The following RASGRF2 variants were observed in gnomAD, a reference collection of about 807,000 sequenced individuals.
RASGRF2 encodes ras-specific guanine nucleotide-releasing factor 2.
RASGRF2 carries 76 observed loss-of-function variants against 151.0 expected under a neutral mutation model. That is an observed-to-expected ratio of 0.50 (90% CI 0.42 to 0.61). RASGRF2 has a LOEUF of 0.61. Among genes scored for constraint, RASGRF2 ranks in the 20% least tolerant of loss-of-function variants. The pLI is 0.00. For missense variants in RASGRF2, 1,148 were observed against 1,564.6 expected, an observed-to-expected ratio of 0.73 and a Z score of 4.49; for synonymous variants, 504 against 566.5, an observed-to-expected ratio of 0.89 and a Z score of 1.57.
chr5:80,974,782 T>G (rs1209392493), intron 1 of RASGRF2, among the ~76,000 whole-genome samples: 1 of 152,218 alleles, frequency 6.6e-6, no homozygotes, highest in Non-Finnish European at 1.5e-5. Flanking sequence ...GGCAGCAAAC[T>G]AATAGTTGCC....
Position 81,035,086 on chromosome 5 carries a change from A to C in RASGRF2, c.289-7791A>C, listed in dbSNP as rs548810970. ...TCAAGGATCTAGAACTAGAAATACC[A>C]TTTGACCCAGCCATCCCATTACTGT... is the stretch of plus-strand genomic sequence containing the variant. On this transcript the variant is annotated intron_variant, in intron 1 of 26. Transcript: ENST00000265080. 2.2e-3 allele frequency among the ~76,000 whole-genome samples: 330 copies of C among 152,256 alleles called. 1 individual carries two copies. The highest frequency in any genetic ancestry group is 6.8e-3 in the Middle Eastern group (2 of 294).
intron 1 of RASGRF2, among the ~76,000 whole-genome samples, chr5:81,024,928 C>T (rs933010484): frequency 1.7e-4 from 26 of 152,204 alleles, no homozygotes; most frequent in Admixed American, 3.9e-4. Context: ...AGGCCGATGC[C>T]GGCTGCTGGG....
intron 1 of RASGRF2, among the ~76,000 whole-genome samples, chr5:81,015,665 A>T (rs192375908): frequency 7.0e-6 from 1 of 143,826 alleles, no homozygotes; most frequent in Non-Finnish European, 1.6e-5. Flanking sequence ...TACATTAATT[A>T]GTCCTTTTAT....
intron 1 of RASGRF2, among the ~76,000 whole-genome samples, chr5:80,981,735 T>A (rs1748308781): frequency 6.6e-6 from 1 of 152,052 alleles, no homozygotes; most frequent in South Asian, 2.1e-4. Flanking sequence ...GTGGCTAATT[T>A]TTGTACTTTT....
rs936388527 is a variant in RASGRF2 at position 81,003,383 on chromosome 5, C to T, written c.289-39494C>T. ...GACTACAGGTGCCCACCACCACGCCCACCTAATTTTTTTGTATTTTTAGTA... is the reference window on the plus strand; with the variant it reads ...GACTACAGGTGCCCACCACCACGCCTACCTAATTTTTTTGTATTTTTAGTA... On this transcript the variant is annotated intron_variant, in intron 1 of 26. Transcript: ENST00000265080. Among the ~76,000 whole-genome samples, 5 of 152,276 alleles carry T rather than the reference C, an allele frequency of 3.3e-5. No homozygotes were observed. The East Asian group carries it at 9.7e-4, about 29-fold the overall frequency.
chr5:80,963,721 C>T (rs1747635291), intron 1 of RASGRF2, among the ~76,000 whole-genome samples: 1 of 152,170 alleles, frequency 6.6e-6, no homozygotes, highest in South Asian at 2.1e-4. Context: ...ATGTGCAAAC[C>T]TATAGTAACA....
intron 5 of RASGRF2, among the ~76,000 whole-genome samples, chr5:81,077,595 C>G (rs968063017): frequency 2.0e-5 from 3 of 152,204 alleles, no homozygotes; most frequent in Admixed American, 2.0e-4. Context: ...CTGGCAATGG[C>G]TCCTCTCAAG....
At chr5:81,112,983 T>A in intron 14 of RASGRF2, 125 bp downstream of exon 14, 1 of 1,256,220 alleles carries the variant, frequency 8.0e-7, no homozygotes, top group Non-Finnish European at 1.1e-6. Flanking sequence ...TGCCTCTGAA[T>A]GTACCATGCC....
At chr5:81,073,136 C>G in intron 4 of RASGRF2, 63 bp from the exon 5 acceptor site, 2 of 1,513,014 alleles carry the variant, frequency 1.3e-6, no homozygotes, top group South Asian at 2.5e-5. Flanking sequence ...ATTTCATGTT[C>G]TTTTCCATAA....
intron 17 of RASGRF2, among the ~76,000 whole-genome samples, chr5:81,157,235 T>TC (rs972585405): frequency 2.6e-5 from 4 of 151,122 alleles, no homozygotes; most frequent in African/African-American, 9.8e-5. Context: ...GCGCCTGTAG[T>TC]CCCAGCTACT....
intron 18 of RASGRF2, among the ~76,000 whole-genome samples, chr5:81,196,452 C>T (rs958063602): frequency 6.6e-6 from 1 of 152,206 alleles, no homozygotes; most frequent in Non-Finnish European, 1.5e-5. Context: ...CAACTGCGAC[C>T]ATTTGTCATG....
rs114697550 is a variant in RASGRF2 at position 81,206,678 on chromosome 5, C to T, written c.2907-167C>T. On this transcript the variant is annotated intron_variant, in intron 19 of 26. Coordinates refer to ENST00000265080, the MANE Select transcript of RASGRF2 (RefSeq NM_006909.3). ...TTCTCTCATGCCTTGAGCATGTTTT[C>T]TGTTTGGGGATTGCTCATCTCCAGC... Among the ~76,000 whole-genome samples, 662 of 152,304 alleles carry T rather than the reference C, an allele frequency of 4.3e-3. 9 individuals are homozygous for T. The highest frequency in any genetic ancestry group is 0.015 in the African/African-American group (621 of 41,548).
chr5:81,110,206 T>G (rs575418108), intron 13 of RASGRF2, among the ~76,000 whole-genome samples: 1 of 152,356 alleles, frequency 6.6e-6, no homozygotes, highest in Non-Finnish European at 1.5e-5. Flanking sequence ...GGCGTCACTT[T>G]GTAAGCACTC....
intron 5 of RASGRF2, among the ~76,000 whole-genome samples, chr5:81,078,618 C>T (rs1198485209): frequency 6.6e-6 from 1 of 152,120 alleles, no homozygotes; most frequent in Non-Finnish European, 1.5e-5. Context: ...CTTTACATGC[C>T]TTTGAAATTA....
At chr5:80,962,653 C>G (rs999091497) in intron 1 of RASGRF2, among the ~76,000 whole-genome samples, 2 of 151,090 alleles carry the variant, frequency 1.3e-5, no homozygotes, top group African/African-American at 4.9e-5. Flanking sequence ...TTACCTGTTA[C>G]AATTCATATG....
intron 2 of RASGRF2, among the ~76,000 whole-genome samples, chr5:81,045,436 T>C (rs1750806085): frequency 6.6e-6 from 1 of 152,186 alleles, no homozygotes; most frequent in Non-Finnish European, 1.5e-5. Flanking sequence ...CATTTTATCA[T>C]CTACAGGAAA....
At chr5:80,984,129 T>A (rs976293750) in intron 1 of RASGRF2, among the ~76,000 whole-genome samples, 1 of 152,186 alleles carries the variant, frequency 6.6e-6, no homozygotes, top group South Asian at 2.1e-4. Context: ...GGCGTGACCT[T>A]GGCTCACTGC....
chr5:80,991,865 A>C (rs1748662256), intron 1 of RASGRF2, among the ~76,000 whole-genome samples: 1 of 152,188 alleles, frequency 6.6e-6, no homozygotes, highest in African/African-American at 2.4e-5. Flanking sequence ...CTAACAACAC[A>C]TGTGAATTCT....
intron 13 of RASGRF2, among the ~76,000 whole-genome samples, chr5:81,110,411 A>G (rs920932277): frequency 6.6e-6 from 1 of 152,240 alleles, no homozygotes; most frequent in Non-Finnish European, 1.5e-5. Flanking sequence ...AAATAATTTC[A>G]TAATATTTAA....
Sources: allele counts gnomAD v4.1 joint callset (sites outside exome capture counted in the v4.1 genomes callset), GRCh38; gene constraint gnomAD v4.1.1; transcripts MANE v1.5; gene names NCBI Gene and HGNC (gene_info 2026-07-23, HGNC 2026-07-21).